Variants in EEPD1 observed in about 807,000 individuals in gnomAD.
EEPD1 encodes endonuclease/exonuclease/phosphatase family domain containing 1, also known as endonuclease/exonuclease/phosphatase family domain-containing protein 1.
A neutral mutation model predicts 46.3 loss-of-function variants in EEPD1; 17 were observed. The ratio of observed to expected loss-of-function variants is 0.37; its 90% CI spans 0.25 to 0.55. The LOEUF is 0.55. Ranked by LOEUF, EEPD1 falls within the 20% of genes least tolerant of loss-of-function variation. The pLI is 0.83. For synonymous variants in EEPD1, 313 were observed against 315.6 expected, an observed-to-expected ratio of 0.99 and a Z score of 0.09; for missense variants, 673 against 745.6, an observed-to-expected ratio of 0.90 and a Z score of 1.13.
In EEPD1 at chr7:36,225,585, G is replaced by A; in HGVS notation, c.879-13400G>A. 6.6e-6 allele frequency among the ~76,000 whole-genome samples: 1 copy of A among 152,088 alleles called. No homozygotes were observed. The highest frequency in any genetic ancestry group is 1.9e-4 in the East Asian group (1 of 5,186). On this transcript the variant is annotated intron_variant, in intron 2 of 7. Coordinates refer to ENST00000242108, the MANE Select transcript of EEPD1 (RefSeq NM_030636.3). The surrounding 1 kb of genome is among the most constrained non-coding windows in gnomAD (Gnocchi z 4.2). ...GCATTTCATCCAAACAGAGAAAAAA[G>A]TAACAAAAATTAAGTCGACTTTAGA...
chr7:36,243,749 G>A (rs998865007), intron 3 of EEPD1, among the ~76,000 whole-genome samples: 1 of 152,062 alleles, frequency 6.6e-6, no homozygotes, highest in African/African-American at 2.4e-5. Context: ...CCTTTGTAGG[G>A]ACATGGATGA....
chr7:36,201,489 A>C (rs1346681209), intron 2 of EEPD1, among the ~76,000 whole-genome samples: 1 of 152,130 alleles, frequency 6.6e-6, no homozygotes, highest in African/African-American at 2.4e-5. Context: ...GTTTCTGATG[A>C]CTATCAGCTG....
intron 3 of EEPD1, among the ~76,000 whole-genome samples, chr7:36,251,397 G>A (rs1213226045): frequency 6.6e-6 from 1 of 152,032 alleles, no homozygotes; most frequent in Admixed American, 6.6e-5. Context: ...CACAACCTCC[G>A]CCTCCCGGGT....
At chr7:36,211,597 G>A (rs1466129676) in intron 2 of EEPD1, among the ~76,000 whole-genome samples, 9 of 152,174 alleles carry the variant, frequency 5.9e-5, no homozygotes, top group Non-Finnish European at 1.3e-4. Context: ...AAATCAGAAA[G>A]AAGAAAGAGC....
At chr7:36,212,597 C>T (rs985195460) in intron 2 of EEPD1, among the ~76,000 whole-genome samples, 10 of 120,760 alleles carry the variant, frequency 8.3e-5, no homozygotes, top group African/African-American at 2.9e-4. Flanking sequence ...TCCCATTGGC[C>T]AAAGGAAGTC....
intron 2 of EEPD1, among the ~76,000 whole-genome samples, chr7:36,214,373 A>T (rs1490172911): frequency 6.6e-6 from 1 of 152,142 alleles, no homozygotes; most frequent in African/African-American, 2.4e-5. Flanking sequence ...TTTGAGAGAT[A>T]ATGTTGGGCT....
chr7:36,189,457 A>G (rs771005784), intron 2 of EEPD1, among the ~76,000 whole-genome samples: 1 of 152,208 alleles, frequency 6.6e-6, no homozygotes, highest in Non-Finnish European at 1.5e-5. Context: ...AAGCTTCTTT[A>G]TGTTATCCAT....
chr7:36,183,662 G>T (rs1785311628), intron 2 of EEPD1, among the ~76,000 whole-genome samples: 1 of 152,126 alleles, frequency 6.6e-6, no homozygotes, highest in Non-Finnish European at 1.5e-5. Flanking sequence ...GTTGATACTT[G>T]TAGAGGCTTT....
chr7:36,158,044 G>T (rs74942156), intron 2 of EEPD1, among the ~76,000 whole-genome samples: 2,817 of 152,220 alleles, frequency 0.019, 105 homozygotes, highest in African/African-American at 0.064. Context: ...GTATGCCTTC[G>T]TGCTTTCTAA....
chr7:36,172,729 T>C (rs949272570), intron 2 of EEPD1, among the ~76,000 whole-genome samples: 2 of 151,414 alleles, frequency 1.3e-5, no homozygotes, highest in African/African-American at 4.9e-5. Flanking sequence ...GCCAAAAGAT[T>C]GTACACCTCT....
At chr7:36,183,807 G>C (rs1583793512) in intron 2 of EEPD1, among the ~76,000 whole-genome samples, 1 of 150,100 alleles carries the variant, frequency 6.7e-6, no homozygotes, top group East Asian at 1.9e-4. Context: ...GCCAGACTCT[G>C]TATTCTTGAC....
chr7:36,268,094 AACTG>A (rs1787051591), intron 3 of EEPD1, among the ~76,000 whole-genome samples: 1 of 152,120 alleles, frequency 6.6e-6, no homozygotes, highest in Non-Finnish European at 1.5e-5. Flanking sequence ...AGCAGCCCTG[AACTG>A]ACTAAGATAA....
rs148333946 is a variant in EEPD1, at chr7:36,200,054, A to G, written c.879-38931A>G. Among the ~76,000 whole-genome samples, 1,493 of 152,104 alleles carry G rather than the reference A, an allele frequency of 9.8e-3. 22 individuals carry two copies. Among genetic ancestry groups the G allele is most frequent in the African/African-American group, 0.032 (1,327 of 41,452 alleles). On this transcript the variant is annotated intron_variant, in intron 2 of 7. Coordinates refer to ENST00000242108, the MANE Select transcript of EEPD1 (RefSeq NM_030636.3). ...AACTCATGTCATGGGGGTTTGTTGT[A>G]CAGATTATTTCGTCACCCAGGTACT...
At chr7:36,292,900 A>G (rs1206085106) in intron 6 of EEPD1, among the ~76,000 whole-genome samples, 3 of 152,196 alleles carry the variant, frequency 2.0e-5, no homozygotes, top group Middle Eastern at 3.2e-3. Flanking sequence ...ATTTGGATTC[A>G]TAAGTCGAAA....
chr7:36,196,723 G>T (rs1355936206), intron 2 of EEPD1, among the ~76,000 whole-genome samples: 2 of 152,230 alleles, frequency 1.3e-5, no homozygotes, highest in Non-Finnish European at 2.9e-5. Flanking sequence ...GCTCAATGGT[G>T]CCCAGGCTGG....
chr7:36,177,518 A>G (rs896137946), intron 2 of EEPD1, among the ~76,000 whole-genome samples: 2 of 152,114 alleles, frequency 1.3e-5, no homozygotes, highest in Non-Finnish European at 1.5e-5. Flanking sequence ...AACATGGAGT[A>G]TTTGGTTTCT....
rs196594 is a variant in EEPD1, at chr7:36,287,708, C to T, written c.1246C>T (p.Pro416Ser). 0.095 allele frequency: 153,484 copies of T among 1,614,000 alleles called. 8,139 individuals are homozygous for T. The highest frequency in any genetic ancestry group is 0.11 in the Non-Finnish European group (128,998 of 1,179,920). Reference sequence around the variant, plus strand: ...CCTGACCCTCCTGGGGAGCGAGAATCCCAGCAAGAATCACAGTGATGGCCA... The same window carrying T: ...CCTGACCCTCCTGGGGAGCGAGAATTCCAGCAAGAATCACAGTGATGGCCA... ...AALTLLGSEN[P>S]SKNHSDGHRL... Residue 416 changes from proline (P) to serine (S), a missense_variant, in exon 6 of 8, where the codon CCC (proline) becomes TCC (serine). Physicochemically the swap from Pro to Ser is moderately conservative, Grantham distance 74. Transcript: ENST00000242108.
rs528837336 is a variant in EEPD1 at position 36,292,385 on chromosome 7, TTTTCTTTTCTTTC to T, written c.1316-4591_1316-4579del. The stretch of plus-strand genomic sequence containing the variant: ...TTTTCTTTTCTTTTGTTTTGTTTTC[TTTTCTTTTCTTTC>T]TTTCTTTTCTTTCTTTTTCTCTCTT... On this transcript the variant is annotated intron_variant, in intron 6 of 7. Coordinates refer to ENST00000242108, the MANE Select transcript of EEPD1 (RefSeq NM_030636.3). 1.3e-3 allele frequency among the ~76,000 whole-genome samples: 204 copies of T among 152,148 alleles called. 3 individuals are homozygous for T. In the East Asian group the frequency reaches 0.018, roughly 13 times the overall value.
rs760249657 is a variant in EEPD1 at position 36,225,761 on chromosome 7, G to A, written c.879-13224G>A. On this transcript the variant is annotated intron_variant, in intron 2 of 7. Coordinates refer to ENST00000242108, the MANE Select transcript of EEPD1 (RefSeq NM_030636.3). The surrounding 1 kb of genome is among the most constrained non-coding windows in gnomAD (Gnocchi z 4.2). Reference sequence around the variant, plus strand: ...GAATCTGAAGCATTAAAAGTTCTTCGATTATCAAGTAAGTTTATGAACCCT... The same window carrying A: ...GAATCTGAAGCATTAAAAGTTCTTCAATTATCAAGTAAGTTTATGAACCCT... Among the ~76,000 whole-genome samples the A allele has an allele frequency of 6.6e-6, 1 of 152,118 alleles. No homozygotes were observed. The highest frequency in any genetic ancestry group is 2.1e-4 in the South Asian group (1 of 4,818).
Sources: allele counts gnomAD v4.1 joint callset (sites outside exome capture counted in the v4.1 genomes callset), GRCh38; gene constraint gnomAD v4.1.1; non-coding constraint Gnocchi (gnomAD v3.1); transcripts MANE v1.5; gene names NCBI Gene and HGNC (gene_info 2026-07-23, HGNC 2026-07-21).